MRPL3: variants seen among roughly 807,000 people sequenced by gnomAD.
MRPL3 encodes mitochondrial ribosomal protein L3.
Under a neutral mutation model 44.3 loss-of-function variants are expected in MRPL3, and 43 were observed. The observed-to-expected ratio is 0.97, with a 90% CI of 0.76 to 1.25. The LOEUF is 1.25. Ranked by LOEUF, MRPL3 falls within the 50% of genes most tolerant of loss-of-function variation. MRPL3 has a pLI of 0.00. For missense variants in MRPL3, 406 were observed against 427.6 expected, an observed-to-expected ratio of 0.95 and a Z score of 0.45; for synonymous variants, 171 against 152.3, an observed-to-expected ratio of 1.12 and a Z score of -0.91.
At position 131,498,160 on chromosome 3, in the gene MRPL3, T is replaced by G; in HGVS notation, c.468+19A>C. ...CTGATGAAAAATGCAGTATTCTAGC[T>G]ATGAAAATACATCCTTACACGAAAA... On this transcript the variant is annotated intron_variant, in intron 4 of 9. Transcript: ENST00000264995. 6.7e-7 allele frequency: 1 copy of G among 1,491,254 alleles called. No individual in the cohort carries two copies. The highest frequency in any genetic ancestry group is 2.3e-5 in the East Asian group (1 of 44,280). 92.4% of individuals were successfully genotyped at this position (1,491,254 alleles called of 1,614,324 possible). A position where few individuals can be genotyped will look rare whatever the true frequency, so the allele number is the denominator to read the frequency against.
chr3:131,494,832 G>C (rs1167319563), intron 4 of MRPL3, among the ~76,000 whole-genome samples: 2 of 152,102 alleles, frequency 1.3e-5, no homozygotes, highest in East Asian at 1.9e-4. Flanking sequence ...ATAAGTAAAT[G>C]ATTTCAAAAG....
intron 6 of MRPL3, among the ~76,000 whole-genome samples, chr3:131,474,817 G>A (rs982031870): frequency 4.9e-5 from 7 of 142,992 alleles, no homozygotes; most frequent in African/African-American, 1.6e-4. Flanking sequence ...TGCCAACCAC[G>A]CTGGAGTGCA....
intron 1 of MRPL3, chr3:131,502,022 G>T: frequency 1.1e-6 from 1 of 948,822 alleles, no homozygotes; most frequent in Non-Finnish European, 1.6e-6. Context: ...ATTTGGAAGT[G>T]TACCTTAATA....
At chr3:131,470,774 C>T (rs189805864) in intron 7 of MRPL3, among the ~76,000 whole-genome samples, 40 of 152,214 alleles carry the variant, frequency 2.6e-4, no homozygotes, top group African/African-American at 7.7e-4. Context: ...CATACTTTAA[C>T]GCCCTTTTCC....
At chr3:131,480,172 T>C (rs1412079222) in intron 6 of MRPL3, among the ~76,000 whole-genome samples, 1 of 152,238 alleles carries the variant, frequency 6.6e-6, no homozygotes, top group Non-Finnish European at 1.5e-5. Context: ...CTTCTCCTCA[T>C]TTCAGCAAAC....
At chr3:131,498,137 G>T in intron 4 of MRPL3, 42 bp downstream of exon 4, 1 of 1,279,756 alleles carries the variant, frequency 7.8e-7, no homozygotes, top group Non-Finnish European at 1.1e-6. Context: ...ATTTGAAACT[G>T]ATGAAAAATG....
chr3:131,467,212 C>T (rs1290944019), intron 9 of MRPL3, among the ~76,000 whole-genome samples: 1 of 151,878 alleles, frequency 6.6e-6, no homozygotes, highest in African/African-American at 2.4e-5. Flanking sequence ...TGTGTGCATT[C>T]TCTAGAATAT....
chr3:131,489,778 C>T (rs554883116), intron 5 of MRPL3, among the ~76,000 whole-genome samples: 1 of 151,258 alleles, frequency 6.6e-6, no homozygotes, highest in Non-Finnish European at 1.5e-5. Flanking sequence ...AAAAGTGTTC[C>T]TCCCTCTCTC....
At chr3:131,463,848 T>TA (rs1288419283) in intron 9 of MRPL3, among the ~76,000 whole-genome samples, 2 of 152,098 alleles carry the variant, frequency 1.3e-5, no homozygotes, top group Non-Finnish European at 2.9e-5. Flanking sequence ...CATTCATAAG[T>TA]AAAGTTTTTA....
In MRPL3 at chr3:131,501,692, C is replaced by CT. The variant is rs778817655; in HGVS notation, c.115dup (p.Arg39LysfsTer13). On this transcript the variant is annotated frameshift_variant, in exon 2 of 10. Transcript: ENST00000264995. LOFTEE classifies it high-confidence loss of function. Reference sequence around the variant, plus strand: ...TGTACCACTCTTTCCATGAAGACCTCTAACAAAAAGCCAGATGTGTGTTCT... The same window carrying CT: ...TGTACCACTCTTTCCATGAAGACCTCTTAACAAAAAGCCAGATGTGTGTTCT... 6.2e-7 allele frequency: 1 copy of CT among 1,612,296 alleles called. No homozygotes were observed. The highest frequency in any genetic ancestry group is 8.5e-7 in the Non-Finnish European group (1 of 1,179,622).
At chr3:131,475,442 T>C (rs768312187) in intron 6 of MRPL3, among the ~76,000 whole-genome samples, 4 of 152,156 alleles carry the variant, frequency 2.6e-5, no homozygotes, top group Admixed American at 6.5e-5. Context: ...GGAGGGCTGC[T>C]TGAGGTCAGG....
intron 5 of MRPL3, chr3:131,488,675 A>C (rs1259236489): frequency 6.6e-6 from 1 of 152,130 alleles, no homozygotes. Flanking sequence ...GTAGTAGAGA[A>C]TGTAACTGAA....
chr3:131,501,925 C>G, intron 1 of MRPL3: 1 of 1,534,702 alleles, frequency 6.5e-7, no homozygotes. Context: ...AGTCGTTACC[C>G]TGGAGAAAAA....
In MRPL3 at chr3:131,484,569, G is replaced by C. The variant is rs139241997; in HGVS notation, c.629+3111C>G. On this transcript the variant is annotated intron_variant, in intron 6 of 9. Transcript: ENST00000264995. ...AATGCATTAAGGAAAGTAGAGAGAG[G>C]AGTTTAAAAAAGAAAAAAAAAGTTA... Among the ~76,000 whole-genome samples the C allele has an allele frequency of 7.9e-4, 120 of 151,930 alleles. No homozygotes were observed. The East Asian group carries it at 0.023, about 29-fold the overall frequency.
At chr3:131,490,214 G>A in intron 4 of MRPL3, 134 bp from the exon 5 acceptor site, 1 of 609,136 alleles carries the variant, frequency 1.6e-6, no homozygotes, top group Non-Finnish European at 2.9e-6. Flanking sequence ...TGAACAAAGG[G>A]CACCCAATTC....
intron 4 of MRPL3, among the ~76,000 whole-genome samples, chr3:131,494,261 ATTATT>A (rs1204321814): frequency 2.0e-5 from 3 of 152,186 alleles, no homozygotes; most frequent in Admixed American, 6.6e-5. Context: ...ATCATTCTCT[ATTATT>A]TTATTTCCTA....
chr3:131,498,068 C>T, intron 4 of MRPL3, 111 bp downstream of exon 4: 1 of 832,770 alleles, frequency 1.2e-6, no homozygotes, highest in South Asian at 1.5e-5. Context: ...CACAATTTAC[C>T]TCACAAACAA....
intron 4 of MRPL3, among the ~76,000 whole-genome samples, chr3:131,494,809 T>G (rs1375818190): frequency 6.6e-6 from 1 of 152,196 alleles, no homozygotes; most frequent in African/African-American, 2.4e-5. Flanking sequence ...TTTTCTTTTT[T>G]TCAGACTTCT....
At chr3:131,469,458 T>C (rs531999270) in intron 8 of MRPL3, among the ~76,000 whole-genome samples, 1 of 152,040 alleles carries the variant, frequency 6.6e-6, no homozygotes, top group African/African-American at 2.4e-5. Context: ...ACTAATTTTG[T>C]CTCTTTAATG....
Sources: allele counts gnomAD v4.1 joint callset (sites outside exome capture counted in the v4.1 genomes callset), GRCh38; gene constraint gnomAD v4.1.1; transcripts MANE v1.5; gene names NCBI Gene and HGNC (gene_info 2026-07-23, HGNC 2026-07-21).